Variants in DLGAP2 observed in about 807,000 individuals in gnomAD.
DLGAP2 encodes the protein DLG associated protein 2.
Under a neutral mutation model 100.3 loss-of-function variants are expected in DLGAP2, and 26 were observed. That is an observed-to-expected ratio of 0.26 (90% CI 0.19 to 0.36). DLGAP2 has a LOEUF of 0.36. DLGAP2 is among the 10% of genes least tolerant of loss of function. The pLI is 1.00. For synonymous variants in DLGAP2, 886 were observed against 630.1 expected, an observed-to-expected ratio of 1.41 and a Z score of -6.08; for missense variants, 1,858 against 1,453.2, an observed-to-expected ratio of 1.28 and a Z score of -4.53.
At chr8:850,999 T>C (rs1797173348) in intron 1 of DLGAP2, among the ~76,000 whole-genome samples, 1 of 152,140 alleles carries the variant, frequency 6.6e-6, no homozygotes. Context: ...GATGAACAAG[T>C]AGAGACGCAG....
chr8:776,457 G>T (rs928593593), intron 1 of DLGAP2, among the ~76,000 whole-genome samples: 43 of 152,092 alleles, frequency 2.8e-4, no homozygotes, highest in African/African-American at 1.0e-3. Context: ...TGTCAATTTT[G>T]GATCTTTCCT....
chr8:1,596,246 C>T (rs1029662937), intron 6 of DLGAP2, among the ~76,000 whole-genome samples: 1 of 152,230 alleles, frequency 6.6e-6, no homozygotes, highest in East Asian at 1.9e-4. Flanking sequence ...TGTATATGTG[C>T]CACATTTTCT....
chr8:1,168,727 T>G (rs1412684879), intron 2 of DLGAP2, among the ~76,000 whole-genome samples: 1 of 143,850 alleles, frequency 7.0e-6, no homozygotes, highest in African/African-American at 2.7e-5. Context: ...TTGATGGGGT[T>G]GTTTGTTTTT....
At chr8:1,344,634 A>C (rs961205295) in intron 3 of DLGAP2, among the ~76,000 whole-genome samples, 1 of 152,168 alleles carries the variant, frequency 6.6e-6, no homozygotes, top group Admixed American at 6.5e-5. Context: ...GCACTGGTCT[A>C]TCTGCTACAT....
intron 3 of DLGAP2, among the ~76,000 whole-genome samples, chr8:1,262,790 G>C (rs1172561758): frequency 1.3e-5 from 2 of 152,158 alleles, no homozygotes; most frequent in African/African-American, 4.8e-5. Context: ...AAGAGTACCT[G>C]ATTCTTTTTA....
chr8:1,054,280 GCACA>G (rs369833010), intron 2 of DLGAP2, among the ~76,000 whole-genome samples: 5 of 151,408 alleles, frequency 3.3e-5, no homozygotes, highest in Admixed American at 1.3e-4. Flanking sequence ...GGACACACAC[GCACA>G]CACACACACC....
intron 4 of DLGAP2, among the ~76,000 whole-genome samples, chr8:1,504,856 C>T (rs1416614417): frequency 1.3e-5 from 2 of 152,204 alleles, no homozygotes; most frequent in African/African-American, 4.8e-5. Flanking sequence ...ATACCCCTTC[C>T]ACACATCCAT....
Position 1,707,317 on chromosome 8 carries a change from G to T in DLGAP2, c.*5911G>T, listed in dbSNP as rs1443157833. The T allele has an allele frequency of 6.6e-6, 1 of 152,376 alleles. No individual in the cohort carries two copies. The highest frequency in any genetic ancestry group is 1.9e-4 in the East Asian group (1 of 5,174). The allele number at this position is 152,376 out of a possible 1,614,324, so 9.4% of individuals were successfully genotyped here. On this transcript the variant is annotated 3_prime_UTR_variant, in exon 15 of 15. Transcript: ENST00000637795. ...TTTCAAGTAGACCATGGTCTCCCTA[G>T]AGAGTGTGTTGGCTTGTGTCTGCCA... is the stretch of plus-strand genomic sequence containing the variant.
At chr8:1,218,928 G>A (rs944844814) in intron 2 of DLGAP2, among the ~76,000 whole-genome samples, 1 of 152,084 alleles carries the variant, frequency 6.6e-6, no homozygotes, top group East Asian at 1.9e-4. Flanking sequence ...TCTCAGCTTG[G>A]ATGTTATTGG....
intron 2 of DLGAP2, among the ~76,000 whole-genome samples, chr8:971,029 G>A (rs548450467): frequency 6.6e-6 from 1 of 152,270 alleles, no homozygotes; most frequent in Admixed American, 6.5e-5. Flanking sequence ...TGGCTCTCCT[G>A]TTCAGATCAG....
intron 6 of DLGAP2, among the ~76,000 whole-genome samples, chr8:1,596,145 A>G (rs1477280059): frequency 1.3e-5 from 2 of 150,622 alleles, no homozygotes; most frequent in Non-Finnish European, 2.9e-5. Context: ...TTCCTGTGTT[A>G]GTTTGCTGAG....
chr8:882,392 C>T (rs1354245172), intron 1 of DLGAP2, among the ~76,000 whole-genome samples: 2 of 144,118 alleles, frequency 1.4e-5, no homozygotes, highest in South Asian at 2.3e-4. Context: ...CCAGCGGTAC[C>T]TCTCCCTGCG....
chr8:996,711 C>G (rs893109823), intron 2 of DLGAP2, among the ~76,000 whole-genome samples: 5 of 152,298 alleles, frequency 3.3e-5, no homozygotes, highest in African/African-American at 9.6e-5. Flanking sequence ...TAATCGTCAT[C>G]ATTCACTGTT....
chr8:1,700,225 G>C lies in DLGAP2; in HGVS notation c.2950-963G>C, dbSNP rs538128179. Among the ~76,000 whole-genome samples the C allele has an allele frequency of 6.6e-5, 10 of 152,182 alleles. 1 individual carries two copies. The highest frequency in any genetic ancestry group is 1.5e-4 in the Non-Finnish European group (10 of 68,028). ...CCTTTGGAATTTTTCAGAGGCTGAAGAGAAAAAGACATGAGTGGAGTTTTC... is the reference window on the plus strand; with the variant it reads ...CCTTTGGAATTTTTCAGAGGCTGAACAGAAAAAGACATGAGTGGAGTTTTC... On this transcript the variant is annotated intron_variant, in intron 14 of 14. Coordinates refer to ENST00000637795, the MANE Select transcript of DLGAP2 (RefSeq NM_001346810.2).
chr8:794,155 A>C (rs143174917), intron 1 of DLGAP2, among the ~76,000 whole-genome samples: 21 of 151,700 alleles, frequency 1.4e-4, no homozygotes, highest in African/African-American at 5.1e-4. Context: ...TATTACAACC[A>C]TATGAGTGAG....
Position 1,247,218 on chromosome 8 carries a change from G to T in DLGAP2, c.74-11633G>T, listed in dbSNP as rs528240478. On this transcript the variant is annotated intron_variant, in intron 2 of 14. Coordinates refer to ENST00000637795, the MANE Select transcript of DLGAP2 (RefSeq NM_001346810.2). ...TGGGAAGACCTTTGAGATCAGTGTG[G>T]AGTGATGGTCCACGTCGGTGGCCGG... The T allele has an allele frequency of 1.3e-4, 20 of 153,102 alleles. 1 individual carries two copies. Among genetic ancestry groups the T allele is most frequent in the African/African-American group, 5.0e-4 (20 of 40,072 alleles). The allele number at this position is 153,102 out of a possible 1,614,324, so 9.5% of individuals were successfully genotyped here.
At chr8:1,673,256 G>C (rs1242280151) in intron 10 of DLGAP2, among the ~76,000 whole-genome samples, 5 of 152,172 alleles carry the variant, frequency 3.3e-5, no homozygotes, top group African/African-American at 9.7e-5. Flanking sequence ...ATAGATGTGA[G>C]CCAGTGTGCT....
At chr8:1,623,992 C>T (rs1797425625) in intron 6 of DLGAP2, among the ~76,000 whole-genome samples, 6 of 152,180 alleles carry the variant, frequency 3.9e-5, no homozygotes, top group Admixed American at 3.9e-4. Flanking sequence ...ATGGATCCAC[C>T]TGTGAGGGCT....
chr8:1,232,742 C>T (rs892785077), intron 2 of DLGAP2, among the ~76,000 whole-genome samples: 3 of 152,216 alleles, frequency 2.0e-5, no homozygotes, highest in African/African-American at 7.2e-5. Context: ...AGGCCACTCA[C>T]TCATTCACAC....
Sources: gnomAD v4.1 joint callset for allele counts (sites outside exome capture counted in the v4.1 genomes callset) on GRCh38, gnomAD v4.1.1 for gene constraint, MANE v1.5 for transcripts, NCBI Gene and HGNC (gene_info 2026-07-23, HGNC 2026-07-21) for gene names.